Variants in KMT2C observed in about 807,000 individuals in gnomAD.
The protein encoded by KMT2C is lysine methyltransferase 2C, also known as histone-lysine N-methyltransferase 2C.
KMT2C carries 88 observed loss-of-function variants against 507.9 expected under a neutral mutation model. The observed-to-expected ratio is 0.17, with a 90% CI of 0.15 to 0.21. The LOEUF (loss-of-function observed/expected upper bound fraction) is 0.21. Among genes scored for constraint, KMT2C ranks in the 10% least tolerant of loss-of-function variants. The pLI, the probability that KMT2C is intolerant of heterozygous loss-of-function variation, is 1.00. For synonymous variants in KMT2C, 2,049 were observed against 2,080.8 expected (o/e 0.98, Z 0.42); for missense variants, 4,954 against 5,957.8 (o/e 0.83, Z 5.55).
chr7:152,205,008 T>C (rs2094261330), intron 25 of KMT2C, 98 bp downstream of exon 25: 3 of 714,980 alleles, frequency 4.2e-6, no homozygotes, highest in East Asian at 2.7e-5. Flanking sequence ...AAGGCTCTTA[T>C]TGACTGTAAC....
intron 6 of KMT2C, among the ~76,000 whole-genome samples, chr7:152,296,732 C>G (rs2096500485): frequency 6.6e-6 from 1 of 151,988 alleles, no homozygotes; most frequent in African/African-American, 2.4e-5. Flanking sequence ...TCCTAATTTT[C>G]TATTGTGAAA....
intron 3 of KMT2C, among the ~76,000 whole-genome samples, chr7:152,325,970 C>A (rs1232284881): frequency 6.6e-6 from 1 of 151,210 alleles, no homozygotes; most frequent in East Asian, 1.9e-4. Flanking sequence ...AAAGAGACTT[C>A]CTTCCTCACT....
chr7:152,162,410 C>T lies in KMT2C; in HGVS notation c.11167G>A (p.Ala3723Thr), dbSNP rs115580901. 5 of 1,614,118 alleles carry T rather than the reference C, an allele frequency of 3.1e-6. No homozygotes were observed. Among genetic ancestry groups the T allele is most frequent in the Non-Finnish European group, 3.4e-6 (4 of 1,180,050 alleles). The change falls in exon 43 of 59, where the codon GCT becomes ACT. Residue 3723 changes from alanine (A) to threonine (T), a missense_variant. Coordinates refer to ENST00000262189, the MANE Select transcript of KMT2C (RefSeq NM_170606.3). ...TGGCCTGGGCAGGACTCTGTCTCAG[C>T]CTTTTCCAGTTTTATCTCTTCTGTT... The part of the protein sequence containing the change: ...AKTEEIKLEK[A>T]ETESCPGQEE...
intron 14 of KMT2C, among the ~76,000 whole-genome samples, chr7:152,239,333 T>C (rs546832526): frequency 1.3e-5 from 2 of 152,272 alleles, no homozygotes; most frequent in East Asian, 1.9e-4. Context: ...AATCGATAAA[T>C]GCATACACGT....
intron 4 of KMT2C, among the ~76,000 whole-genome samples, chr7:152,313,361 T>C (rs1452006544): frequency 6.6e-6 from 1 of 152,086 alleles, no homozygotes; most frequent in Non-Finnish European, 1.5e-5. Flanking sequence ...AATTTATTAC[T>C]AATCAGGTCC....
chr7:152,401,618 G>GC (rs1158378523), intron 1 of KMT2C, among the ~76,000 whole-genome samples: 4 of 152,282 alleles, frequency 2.6e-5, no homozygotes, highest in Non-Finnish European at 5.9e-5. Flanking sequence ...TTGAACCTAG[G>GC]AAGCGGAGGT....
intron 51 of KMT2C, among the ~76,000 whole-genome samples, chr7:152,149,383 G>C (rs371040963): frequency 7.9e-5 from 12 of 152,240 alleles, no homozygotes; most frequent in African/African-American, 2.4e-4. Flanking sequence ...TCCTTTCGAG[G>C]CCTTTTCCAC....
chr7:152,188,175 T>C (rs1219295094), intron 31 of KMT2C, among the ~76,000 whole-genome samples: 2 of 152,200 alleles, frequency 1.3e-5, no homozygotes, highest in Admixed American at 6.5e-5. Context: ...AAAAGTAGGA[T>C]TTTTTTCAGT....
intron 26 of KMT2C, among the ~76,000 whole-genome samples, chr7:152,201,303 C>G (rs564181188): frequency 1.8e-3 from 259 of 145,278 alleles, no homozygotes; most frequent in African/African-American, 6.4e-3. Context: ...GACACACACA[C>G]ACACACACAC....
intron 1 of KMT2C, among the ~76,000 whole-genome samples, chr7:152,432,304 T>C (rs1231112073): frequency 6.6e-6 from 1 of 152,178 alleles, no homozygotes; most frequent in Non-Finnish European, 1.5e-5. Context: ...CTTCCCAACT[T>C]GGTAATGTGA....
At position 152,181,566 on chromosome 7, in the gene KMT2C, G is replaced by C. The variant is rs1173315015; in HGVS notation, c.6294C>G (p.Pro2098=). The change falls in exon 36 of 59, where the codon CCC becomes CCG. Residue 2098 remains proline, a synonymous_variant. Transcript: ENST00000262189. The part of the protein sequence containing the change: ...NQSNDPYSQP[P]LTPHPAVNES... Reference sequence around the variant, plus strand: ...CATTCACTGCTGGATGTGGGGTAAGGGGAGGCTGACTATATGGATCATTTG... The same window carrying C: ...CATTCACTGCTGGATGTGGGGTAAGCGGAGGCTGACTATATGGATCATTTG... 6.2e-7 allele frequency: 1 copy of C among 1,614,016 alleles called. No individual in the cohort carries two copies. The highest frequency in any genetic ancestry group is 8.5e-7 in the Non-Finnish European group (1 of 1,180,002).
chr7:152,431,863 GCTGT>G (rs1194039349), intron 1 of KMT2C, among the ~76,000 whole-genome samples: 3 of 152,156 alleles, frequency 2.0e-5, no homozygotes, highest in Non-Finnish European at 2.9e-5. Context: ...GAATAATAGT[GCTGT>G]CTCTCAACTA....
rs752474902 is a variant in KMT2C at position 152,207,353 on chromosome 7, C to T, written c.3788G>A (p.Gly1263Glu). The change falls in exon 24 of 59, where the codon GGA (glycine) becomes GAA (glutamate). Residue 1263 changes from glycine (G) to glutamate (E), a missense_variant. Around this residue, in one of 29 missense-constraint regions of KMT2C, gnomAD observed 176 missense variants for 262.0 expected, o/e 0.67. Transcript: ENST00000262189. ...EREAVDDETK[G>E]VEGTDGVKKR... Reference sequence around the variant, plus strand: ...TTTGACACCATCTGTTCCTTCCACTCCCTTAGTTTCATCATCCACAGCTTC... The same window carrying T: ...TTTGACACCATCTGTTCCTTCCACTTCCTTAGTTTCATCATCCACAGCTTC... 5 of 1,611,760 alleles carry T rather than the reference C, an allele frequency of 3.1e-6. No individual in the cohort carries two copies. In the South Asian group the frequency reaches 5.5e-5, roughly 18 times the overall value.
intron 1 of KMT2C, among the ~76,000 whole-genome samples, chr7:152,393,774 C>T (rs970027614): frequency 1.3e-5 from 2 of 152,082 alleles, no homozygotes; most frequent in Non-Finnish European, 2.9e-5. Flanking sequence ...TGCCTGTAAT[C>T]CCAGCTACTG....
At chr7:152,259,431 C>T (rs1161969736) in intron 9 of KMT2C, among the ~76,000 whole-genome samples, 1 of 140,238 alleles carries the variant, frequency 7.1e-6, no homozygotes, top group South Asian at 2.2e-4. Context: ...GACAAAAACA[C>T]AGACACACAC....
At position 152,183,003 on chromosome 7, in the gene KMT2C, C is replaced by G; in HGVS notation, c.5236G>C (p.Glu1746Gln). The change falls in exon 35 of 59, where the codon GAA becomes CAA. Residue 1746 changes from glutamate to glutamine, a missense_variant. Glu to Gln is a conservative substitution (Grantham distance 29, BLOSUM62 2). This residue lies in a region of KMT2C where 58 missense variants were observed against 63.3 expected (regional missense o/e 0.92). Coordinates refer to ENST00000262189, the MANE Select transcript of KMT2C (RefSeq NM_170606.3). ...FKDPLKQRESEHEQEWKFRQQ... is the reference protein window; with the variant it reads ...FKDPLKQRESQHEQEWKFRQQ... ...CTAAATTTCCATTCCTGTTCATGTT[C>G]TGATTCTCTTTGCTTTAAAGGATCT... 6.2e-7 allele frequency: 1 copy of G among 1,604,224 alleles called. No individual in the cohort carries two copies. Among genetic ancestry groups the G allele is most frequent in the Non-Finnish European group, 8.5e-7 (1 of 1,177,358 alleles).
intron 6 of KMT2C, among the ~76,000 whole-genome samples, chr7:152,274,171 G>A (rs1392872737): frequency 6.6e-6 from 1 of 151,846 alleles, no homozygotes; most frequent in East Asian, 1.9e-4. Flanking sequence ...AAAGCAAATA[G>A]TAATATGGTT....
intron 7 of KMT2C, among the ~76,000 whole-genome samples, chr7:152,265,834 T>C (rs2129173985): frequency 6.6e-6 from 1 of 152,318 alleles, no homozygotes; most frequent in South Asian, 2.1e-4. Context: ...TATTCATCTA[T>C]ATTAATTTCT....
chr7:152,151,621 G>T (rs755343740), intron 49 of KMT2C, 40 bp from the exon 50 acceptor site: 2 of 1,584,974 alleles, frequency 1.3e-6, no homozygotes, highest in Middle Eastern at 1.7e-4. Context: ...AAAACTGACT[G>T]ATGACACAAG....
Sources: gnomAD v4.1 joint callset for allele counts (sites outside exome capture counted in the v4.1 genomes callset) on GRCh38, gnomAD v4.1.1 for gene constraint, gnomAD v4.1.1 regional missense constraint, MANE v1.5 for transcripts, NCBI Gene and HGNC (gene_info 2026-07-23, HGNC 2026-07-21) for gene names.